Variants in MGMT observed in about 807,000 individuals in gnomAD.
MGMT encodes the protein O-6-methylguanine-DNA methyltransferase, also known as methylated-DNA--protein-cysteine methyltransferase.
MGMT carries 14 observed loss-of-function variants against 15.9 expected under a neutral mutation model. The ratio of observed to expected loss-of-function variants is 0.88; its 90% CI spans 0.58 to 1.37. MGMT has a LOEUF of 1.37. MGMT is among the 40% of genes most tolerant of loss of function. MGMT has a pLI of 0.00. For synonymous variants in MGMT, 130 were observed against 118.2 expected (o/e 1.10, Z -0.65); for missense variants, 282 against 268.1 (o/e 1.05, Z -0.36).
chr10:129,543,399 G>A (rs1239338897), intron 2 of MGMT, among the ~76,000 whole-genome samples: 3 of 152,142 alleles, frequency 2.0e-5, no homozygotes, highest in East Asian at 1.9e-4. Flanking sequence ...ACAGCACTGC[G>A]GAGAATCCCA....
intron 2 of MGMT, among the ~76,000 whole-genome samples, chr10:129,543,106 G>A (rs1018274344): frequency 2.0e-5 from 3 of 152,168 alleles, no homozygotes; most frequent in Admixed American, 6.5e-5. Context: ...GTTCCGTGAC[G>A]AGAGGGTACG....
intron 2 of MGMT, among the ~76,000 whole-genome samples, chr10:129,543,943 T>G (rs1846071992): frequency 6.6e-6 from 1 of 152,168 alleles, no homozygotes; most frequent in African/African-American, 2.4e-5. Flanking sequence ...ACATTTGGAG[T>G]AAAAGAGCAC....
chr10:129,727,971 C>A (rs954705279), intron 3 of MGMT, among the ~76,000 whole-genome samples: 5 of 152,282 alleles, frequency 3.3e-5, no homozygotes, highest in African/African-American at 1.2e-4. Context: ...CTGGCTGGAG[C>A]AGGGGAGGGT....
chr10:129,760,177 G>A (rs940021411), intron 4 of MGMT, among the ~76,000 whole-genome samples: 23 of 152,202 alleles, frequency 1.5e-4, no homozygotes, highest in Admixed American at 2.6e-4. Context: ...GCTGGGCCGC[G>A]GGCCATCTGG....
At chr10:129,639,806 CAGAA>C (rs936353308) in intron 2 of MGMT, among the ~76,000 whole-genome samples, 5 of 151,560 alleles carry the variant, frequency 3.3e-5, no homozygotes, top group Admixed American at 3.3e-4. Context: ...CCAAGACAAA[CAGAA>C]GGAAGGAGAT....
At position 129,533,452 on chromosome 10, in the gene MGMT, G is replaced by A. The variant is rs1845953969; in HGVS notation, c.-12-2789G>A. Among the ~76,000 whole-genome samples the A allele has an allele frequency of 6.6e-6, 1 of 152,142 alleles. No individual in the cohort carries two copies. The highest frequency in any genetic ancestry group is 2.4e-5 in the African/African-American group (1 of 41,438). ...GCCCTGCCCGAACTGGGATGATAGAGCAGCAAACATGGCTCCATGGAGAGC... is the reference window on the plus strand; with the variant it reads ...GCCCTGCCCGAACTGGGATGATAGAACAGCAAACATGGCTCCATGGAGAGC... On this transcript the variant is annotated intron_variant, in intron 1 of 4. Coordinates refer to ENST00000651593, the MANE Select transcript of MGMT (RefSeq NM_002412.5). The surrounding 1 kb of genome is among the most constrained non-coding windows in gnomAD (Gnocchi z 4.5).
intron 2 of MGMT, among the ~76,000 whole-genome samples, chr10:129,607,811 A>G (rs1448607051): frequency 1.3e-5 from 2 of 152,230 alleles, no homozygotes; most frequent in African/African-American, 4.8e-5. Context: ...AATACTTGTG[A>G]AGCTATAGCT....
intron 2 of MGMT, among the ~76,000 whole-genome samples, chr10:129,706,563 A>G (rs1848165109): frequency 6.6e-6 from 1 of 151,960 alleles, no homozygotes; most frequent in African/African-American, 2.4e-5. Flanking sequence ...AAACTAGAAA[A>G]CTTCCGTGCT....
intron 1 of MGMT, among the ~76,000 whole-genome samples, chr10:129,482,297 T>G (rs1845366867): frequency 6.6e-6 from 1 of 152,200 alleles, no homozygotes; most frequent in Non-Finnish European, 1.5e-5. Context: ...CTGTTATGAT[T>G]TTAATCCTCC....
chr10:129,494,278 A>G (rs1025369537), intron 1 of MGMT, among the ~76,000 whole-genome samples: 3 of 152,142 alleles, frequency 2.0e-5, no homozygotes, highest in African/African-American at 7.2e-5. Context: ...TCTTCATTCA[A>G]AAAACCTCAG....
chr10:129,675,451 G>A (rs1438064995), intron 2 of MGMT, among the ~76,000 whole-genome samples: 1 of 152,196 alleles, frequency 6.6e-6, no homozygotes, highest in Non-Finnish European at 1.5e-5. Context: ...GAGTGAAAAC[G>A]AGGACTTTGT....
intron 2 of MGMT, among the ~76,000 whole-genome samples, chr10:129,575,605 T>C (rs1846471686): frequency 6.8e-6 from 1 of 148,090 alleles, no homozygotes; most frequent in Admixed American, 6.8e-5. Flanking sequence ...ATTGACACCC[T>C]AACATCACAA....
intron 2 of MGMT, among the ~76,000 whole-genome samples, chr10:129,672,676 A>T (rs1361296470): frequency 6.6e-6 from 1 of 151,954 alleles, no homozygotes; most frequent in Non-Finnish European, 1.5e-5. Context: ...TAGTATTTTC[A>T]TTTTTTTAAA....
intron 2 of MGMT, among the ~76,000 whole-genome samples, chr10:129,640,042 G>A (rs76929853): frequency 0.047 from 7,053 of 150,362 alleles, 189 homozygotes; most frequent in Middle Eastern, 0.089. Context: ...AAAAAAAAGT[G>A]CATAGCAGGA....
chr10:129,529,672 T>TCA (rs35229446), intron 1 of MGMT, among the ~76,000 whole-genome samples: 70,424 of 151,880 alleles, frequency 0.46, 16,532 homozygotes, highest in African/African-American at 0.52. Flanking sequence ...TTTTTTTAAC[T>TCA]CAGAATTATT....
chr10:129,655,476 G>A (rs905207042), intron 2 of MGMT, among the ~76,000 whole-genome samples: 4 of 152,190 alleles, frequency 2.6e-5, no homozygotes, highest in African/African-American at 7.2e-5. Context: ...GAAGCTGGTG[G>A]GGAGAGCAGG....
At chr10:129,644,845 A>G (rs1847368172) in intron 2 of MGMT, among the ~76,000 whole-genome samples, 1 of 152,054 alleles carries the variant, frequency 6.6e-6, no homozygotes, top group Non-Finnish European at 1.5e-5. Flanking sequence ...GCTTGTAATT[A>G]TTTCATTTGT....
At position 129,769,301 on chromosome 10, in the gene MGMT, A is replaced by G. The variant is rs759136032; in HGVS notation, c.*2304A>G. On this transcript the variant is annotated 3_prime_UTR_variant, in exon 5 of 5. Transcript: ENST00000651593. Reference sequence around the variant, plus strand: ...AAGGACAAGCTCTGCCGAGGCCGACATGAAAAGCCAGCACGCGGGTCGCCT... The same window carrying G: ...AAGGACAAGCTCTGCCGAGGCCGACGTGAAAAGCCAGCACGCGGGTCGCCT... 6 of 152,246 alleles carry G rather than the reference A, an allele frequency of 3.9e-5. No homozygotes were observed. Among genetic ancestry groups the G allele is most frequent in the East Asian group, 1.9e-4 (1 of 5,192 alleles). The allele number at this position is 152,246 out of a possible 1,614,324, so 9.4% of individuals were successfully genotyped here. A position where few individuals can be genotyped will look rare whatever the true frequency, so the allele number is the denominator to read the frequency against.
intron 1 of MGMT, among the ~76,000 whole-genome samples, chr10:129,514,655 G>A (rs552087108): frequency 3.6e-5 from 4 of 110,050 alleles, no homozygotes; most frequent in African/African-American, 2.0e-4. Context: ...GGGGCCTTTG[G>A]GGGGAGATTA....
Sources: allele counts gnomAD v4.1 joint callset (sites outside exome capture counted in the v4.1 genomes callset), GRCh38; gene constraint gnomAD v4.1.1; non-coding constraint Gnocchi (gnomAD v3.1); transcripts MANE v1.5; gene names NCBI Gene and HGNC (gene_info 2026-07-23, HGNC 2026-07-21).